The following BUB1B variants were observed in gnomAD, a reference collection of about 807,000 sequenced individuals.
BUB1B encodes BUB1 mitotic checkpoint serine/threonine kinase B.
In BUB1B, 86 loss-of-function variants were observed where a neutral mutation model predicts 137.7. The ratio of observed to expected loss-of-function variants is 0.62; its 90% CI spans 0.52 to 0.75. The LOEUF (loss-of-function observed/expected upper bound fraction) is 0.75, where lower values mean the gene tolerates loss of function less well. Ranked by LOEUF, BUB1B falls within the 30% of genes least tolerant of loss-of-function variation. The pLI is 0.00. For missense variants in BUB1B, 1,130 were observed against 1,236.9 expected (o/e 0.91, Z 1.30); for synonymous variants, 420 against 417.9 (o/e 1.00, Z -0.06).
At chr15:40,218,981 G>A (rs62020050) in intron 22 of BUB1B, among the ~76,000 whole-genome samples, 17,430 of 152,112 alleles carry the variant, frequency 0.11, 1,169 homozygotes, top group Non-Finnish European at 0.15. Flanking sequence ...GCATGATCTC[G>A]GCTCACTGCA....
chr15:40,217,324 G>A, intron 20 of BUB1B, 172 bp from the exon 21 acceptor site: 1 of 666,086 alleles, frequency 1.5e-6, no homozygotes, highest in Non-Finnish European at 2.6e-6. Context: ...TTCCGCATTG[G>A]GTGGACACTG....
At chr15:40,216,464 G>A (rs1487229390) in intron 20 of BUB1B, among the ~76,000 whole-genome samples, 5 of 147,304 alleles carry the variant, frequency 3.4e-5, no homozygotes, top group African/African-American at 1.0e-4. Flanking sequence ...ACACACACAT[G>A]CACACACTTT....
In BUB1B at chr15:40,196,675, ATGTAT is replaced by A; in HGVS notation, c.1194_1198del (p.Tyr398Ter). ...GTCTGAGGAGAAGAAAGAGAAGATGATGTATTGTAAGGAGAAGATTTATGCAGGAG... is the reference window on the plus strand; with the variant it reads ...GTCTGAGGAGAAGAAAGAGAAGATGATGTAAGGAGAAGATTTATGCAGGAG... On this transcript the variant is annotated frameshift_variant, in exon 9 of 23. Transcript: ENST00000287598. LOFTEE classifies it high-confidence loss of function. 6.2e-7 allele frequency: 1 copy of A among 1,614,070 alleles called. No homozygotes were observed. The highest frequency in any genetic ancestry group is 2.2e-5 in the East Asian group (1 of 44,876).
intron 20 of BUB1B, among the ~76,000 whole-genome samples, chr15:40,215,823 C>T (rs138500631): frequency 1.3e-5 from 2 of 151,834 alleles, no homozygotes; most frequent in African/African-American, 2.4e-5. Flanking sequence ...TTCACATCTG[C>T]AATCCCAGCA....
chr15:40,165,325 C>G, intron 2 of BUB1B, 129 bp downstream of exon 2: 4 of 1,220,246 alleles, frequency 3.3e-6, no homozygotes, highest in Non-Finnish European at 4.7e-6. Flanking sequence ...AATCTGTTCT[C>G]TACCTGCTTT....
chr15:40,182,447 C>A (rs945080536), intron 5 of BUB1B, among the ~76,000 whole-genome samples: 1 of 152,158 alleles, frequency 6.6e-6, no homozygotes, highest in Non-Finnish European at 1.5e-5. Context: ...TCAGATATTA[C>A]AAGTTCTTTG....
At chr15:40,168,528 C>T (rs2037127345) in intron 2 of BUB1B, among the ~76,000 whole-genome samples, 1 of 152,174 alleles carries the variant, frequency 6.6e-6, no homozygotes, top group African/African-American at 2.4e-5. Context: ...CATTATTTCA[C>T]ACTTTAATTG....
chr15:40,188,040 C>T (rs545687537), intron 8 of BUB1B, among the ~76,000 whole-genome samples: 2 of 152,270 alleles, frequency 1.3e-5, no homozygotes, highest in African/African-American at 2.4e-5. Context: ...TAATATGGTA[C>T]AGGAAATATT....
intron 20 of BUB1B, among the ~76,000 whole-genome samples, chr15:40,215,643 C>G (rs147056562): frequency 1.3e-5 from 2 of 152,046 alleles, no homozygotes; most frequent in African/African-American, 2.4e-5. Flanking sequence ...GTGGCAGGTG[C>G]CTGTAGTCCC....
intron 9 of BUB1B, among the ~76,000 whole-genome samples, chr15:40,198,253 T>A (rs1385936826): frequency 6.6e-6 from 1 of 151,594 alleles, no homozygotes; most frequent in African/African-American, 2.4e-5. Context: ...TTTTTTTTTT[T>A]AAATAGAGAG....
intron 6 of BUB1B, among the ~76,000 whole-genome samples, chr15:40,184,760 G>T (rs537395768): frequency 4.4e-4 from 67 of 152,150 alleles, no homozygotes; most frequent in Non-Finnish European, 7.9e-4. Context: ...CCTAATAAAT[G>T]GGTTAATTTT....
At chr15:40,192,160 C>A (rs988379043) in intron 8 of BUB1B, among the ~76,000 whole-genome samples, 1 of 152,186 alleles carries the variant, frequency 6.6e-6, no homozygotes, top group Non-Finnish European at 1.5e-5. Flanking sequence ...TCTTTGAATT[C>A]TTTCAGTGTT....
At chr15:40,182,784 G>A (rs1202694127) in intron 5 of BUB1B, among the ~76,000 whole-genome samples, 1 of 152,066 alleles carries the variant, frequency 6.6e-6, no homozygotes, top group Non-Finnish European at 1.5e-5. Context: ...CAGAAAGATG[G>A]GGTTTCTCTG....
chr15:40,200,209 G>A (rs1352327734), intron 10 of BUB1B, 35 bp from the exon 11 acceptor site: 3 of 1,434,062 alleles, frequency 2.1e-6, no homozygotes, highest in South Asian at 1.2e-5. Context: ...TTCTGGATGG[G>A]AGGGACATTG....
At chr15:40,177,053 G>A (rs993729769) in intron 5 of BUB1B, among the ~76,000 whole-genome samples, 1 of 152,092 alleles carries the variant, frequency 6.6e-6, no homozygotes, top group Non-Finnish European at 1.5e-5. Flanking sequence ...ATAATATATA[G>A]CCTTTTGAGT....
intron 20 of BUB1B, among the ~76,000 whole-genome samples, chr15:40,215,001 G>C (rs1368424163): frequency 6.6e-6 from 1 of 152,154 alleles, no homozygotes; most frequent in African/African-American, 2.4e-5. Context: ...GGAAGCAGAG[G>C]TTTTTTCTAA....
chr15:40,168,157 G>C (rs1181540401), intron 2 of BUB1B, among the ~76,000 whole-genome samples: 1 of 151,798 alleles, frequency 6.6e-6, no homozygotes, highest in African/African-American at 2.4e-5. Flanking sequence ...CACCTGAGGT[G>C]AGGAGTTTAA....
At chr15:40,201,087 A>G (rs879809548) in intron 12 of BUB1B, 107 bp downstream of exon 12, 181 of 967,524 alleles carry the variant, frequency 1.9e-4, no homozygotes, top group Non-Finnish European at 2.6e-4. Context: ...AGACAGGGGG[A>G]CTAGGATACT....
intron 4 of BUB1B, among the ~76,000 whole-genome samples, chr15:40,174,992 A>C (rs995563358): frequency 6.6e-6 from 1 of 152,054 alleles, no homozygotes; most frequent in South Asian, 2.1e-4. Flanking sequence ...TGCTATTTTT[A>C]TGTGAATTTA....
Sources: gnomAD v4.1 joint callset for allele counts (sites outside exome capture counted in the v4.1 genomes callset) on GRCh38, gnomAD v4.1.1 for gene constraint, MANE v1.5 for transcripts, NCBI Gene and HGNC (gene_info 2026-07-23, HGNC 2026-07-21) for gene names.